Variants in FAM81A observed in about 807,000 individuals in gnomAD.
FAM81A encodes the protein family with sequence similarity 81 member A.
In FAM81A, 19 loss-of-function variants were observed where a neutral mutation model predicts 46.7. The observed-to-expected ratio is 0.41, with a 90% confidence interval of 0.28 to 0.60. The LOEUF is 0.60. Among genes scored for constraint, FAM81A ranks in the 20% least tolerant of loss-of-function variants. The probability of loss-of-function intolerance (pLI) is 0.34; values close to 1 mark genes in which losing one functional copy is unlikely to be tolerated. For synonymous variants in FAM81A, 183 were observed against 152.9 expected, an observed-to-expected ratio of 1.20 and a Z score of -1.45; for missense variants, 377 against 453.5, an observed-to-expected ratio of 0.83 and a Z score of 1.53.
intron 2 of FAM81A, among the ~76,000 whole-genome samples, chr15:59,431,266 G>A (rs1400740634): frequency 2.0e-5 from 3 of 150,956 alleles, no homozygotes; most frequent in African/African-American, 7.3e-5. Flanking sequence ...ATGGAGTCTC[G>A]CTTTGTCACC....
chr15:59,465,461 CAG>C (rs1417010607), intron 3 of FAM81A, among the ~76,000 whole-genome samples: 11 of 152,194 alleles, frequency 7.2e-5, no homozygotes, highest in African/African-American at 2.6e-4. Context: ...TTAGTAGAGA[CAG>C]GGTTTCACCA....
chr15:59,422,925 T>A (rs2081180345), intron 2 of FAM81A, among the ~76,000 whole-genome samples: 2 of 152,376 alleles, frequency 1.3e-5, no homozygotes, highest in South Asian at 4.1e-4. Context: ...ATTTCTTAAC[T>A]GTATGAATAT....
chr15:59,451,664 G>T (rs1464074852), intron 1 of FAM81A, among the ~76,000 whole-genome samples: 4 of 152,072 alleles, frequency 2.6e-5, no homozygotes, highest in African/African-American at 9.7e-5. Flanking sequence ...TGTTGGTCAG[G>T]CTGGTGTTGA....
intron 4 of FAM81A, among the ~76,000 whole-genome samples, chr15:59,499,918 T>A (rs996195097): frequency 1.3e-5 from 2 of 151,630 alleles, no homozygotes; most frequent in African/African-American, 4.9e-5. Context: ...AGTGGCATGA[T>A]CTCAGCTCAC....
chr15:59,401,857 A>G, intron 1 of FAM81A: 2 of 748,786 alleles, frequency 2.7e-6, no homozygotes, highest in Non-Finnish European at 4.9e-6. Flanking sequence ...TGTTTATGGT[A>G]AGGCTTAGCC....
intron 4 of FAM81A, among the ~76,000 whole-genome samples, chr15:59,495,892 G>T (rs867972108): frequency 2.0e-5 from 3 of 152,198 alleles, no homozygotes; most frequent in Middle Eastern, 3.4e-3. Flanking sequence ...AGCTGTAGGA[G>T]TTTTAAAAAT....
At chr15:59,516,534 G>GT in intron 7 of FAM81A, 111 bp from the exon 8 acceptor site, 1 of 1,069,394 alleles carries the variant, frequency 9.4e-7, no homozygotes, top group Non-Finnish European at 1.4e-6. Flanking sequence ...ACAAGCAGCT[G>GT]TTGCAAATCT....
chr15:59,478,304 G>GGAAACT (rs1483793353), intron 3 of FAM81A, among the ~76,000 whole-genome samples: 1 of 152,142 alleles, frequency 6.6e-6, no homozygotes, highest in Non-Finnish European at 1.5e-5. Flanking sequence ...TTGGGTTATG[G>GGAAACT]GAAACTGTAT....
chr15:59,461,569 C>T (rs748383245), intron 3 of FAM81A, among the ~76,000 whole-genome samples: 5 of 152,158 alleles, frequency 3.3e-5, no homozygotes, highest in Non-Finnish European at 5.9e-5. Context: ...AATCTGTCTG[C>T]CTCAGCCTCC....
At position 59,492,304 on chromosome 15, in the gene FAM81A, A is replaced by G. The variant is rs200548117; in HGVS notation, c.328A>G (p.Ile110Val). The G allele has an allele frequency of 1.2e-6, 2 of 1,613,800 alleles. No individual in the cohort carries two copies. The highest frequency in any genetic ancestry group is 1.7e-6 in the Non-Finnish European group (2 of 1,179,792). ...GGAGCAGATTCGTGCCCGGGACAAC[A>G]TTAGCTATGGAACTAATTCTGCCTT... ...LQEQIRARDN[I>V]SYGTNSALKT... The change falls in exon 4 of 9, where the codon ATT becomes GTT. Residue 110 changes from isoleucine (I) to valine (V), a missense_variant. Physicochemically the swap from Ile to Val is conservative, Grantham distance 29. Coordinates refer to ENST00000288228, the MANE Select transcript of FAM81A (RefSeq NM_152450.3).
chr15:59,471,352 T>TC (rs2081686787), intron 3 of FAM81A, among the ~76,000 whole-genome samples: 1 of 152,210 alleles, frequency 6.6e-6, no homozygotes, highest in Admixed American at 6.5e-5. Context: ...CATTGACCCT[T>TC]TTGCCATAGA....
intron 4 of FAM81A, among the ~76,000 whole-genome samples, chr15:59,499,938 T>C (rs2141786718): frequency 6.6e-6 from 1 of 151,794 alleles, no homozygotes; most frequent in Admixed American, 6.6e-5. Flanking sequence ...CTGCAACCTC[T>C]GCCTCCCAGG....
intron 1 of FAM81A, among the ~76,000 whole-genome samples, chr15:59,400,069 G>GT (rs2081063733): frequency 1.3e-5 from 2 of 151,996 alleles, no homozygotes; most frequent in African/African-American, 4.8e-5. Context: ...CATTTTTATC[G>GT]TAACTGTTAC....
chr15:59,410,877 A>T (rs1476059240), intron 2 of FAM81A, among the ~76,000 whole-genome samples: 2 of 152,060 alleles, frequency 1.3e-5, no homozygotes, highest in Non-Finnish European at 2.9e-5. Flanking sequence ...CAGCCTCCTG[A>T]ATAGCTGGGA....
chr15:59,500,652 TC>T (rs142244429), intron 4 of FAM81A, among the ~76,000 whole-genome samples: 362 of 151,974 alleles, frequency 2.4e-3, no homozygotes, highest in African/African-American at 8.3e-3. Flanking sequence ...TTTACTGGTG[TC>T]TCATTTTTTT....
rs764155279 is a variant in FAM81A at position 59,521,300 on chromosome 15, C to G, written c.1029C>G (p.Leu343=). 6.2e-6 allele frequency: 10 copies of G among 1,613,800 alleles called. No individual in the cohort carries two copies. The South Asian group carries it at 8.8e-5, about 14-fold the overall frequency. Residue 343 remains leucine (L), a synonymous_variant, in exon 9 of 9, where the codon CTC becomes CTG. Transcript: ENST00000288228. The stretch of plus-strand genomic sequence containing the variant: ...GCATAGGATCCCTCAGGCAAGTTCT[C>G]GAGGCCAAGATGAAGCTGGACAGGG... The part of the protein sequence containing the change: ...YESIGSLRQV[L]EAKMKLDRDQ...
intron 3 of FAM81A, among the ~76,000 whole-genome samples, chr15:59,488,751 C>T (rs140391933): frequency 6.6e-6 from 1 of 152,084 alleles, no homozygotes; most frequent in East Asian, 1.9e-4. Flanking sequence ...CCAAGGTGGG[C>T]AGATTACTTG....
At chr15:59,520,994 G>A (rs2082322110) in intron 8 of FAM81A, among the ~76,000 whole-genome samples, 1 of 152,214 alleles carries the variant, frequency 6.6e-6, no homozygotes, top group Non-Finnish European at 1.5e-5. Flanking sequence ...CAGTATGGGT[G>A]ACGTGAGATT....
intron 1 of FAM81A, among the ~76,000 whole-genome samples, chr15:59,454,125 T>G (rs2081453842): frequency 6.6e-6 from 1 of 152,220 alleles, no homozygotes; most frequent in South Asian, 2.1e-4. Context: ...GTTCCTGCCC[T>G]CTATCCTTTC....
Sources: allele counts gnomAD v4.1 joint callset (sites outside exome capture counted in the v4.1 genomes callset), GRCh38; gene constraint gnomAD v4.1.1; transcripts MANE v1.5; gene names NCBI Gene and HGNC (gene_info 2026-07-23, HGNC 2026-07-21).